PTPRZ1: variants seen among roughly 807,000 people sequenced by gnomAD.
PTPRZ1 encodes the protein protein tyrosine phosphatase receptor type Z1.
PTPRZ1 carries 82 observed loss-of-function variants against 214.1 expected under a neutral mutation model. That is an observed-to-expected ratio of 0.38 (90% confidence interval 0.32 to 0.46). The LOEUF (loss-of-function observed/expected upper bound fraction) is 0.46. PTPRZ1 is among the 20% of genes least tolerant of loss of function. The probability of loss-of-function intolerance (pLI) is 1.00; values close to 1 mark genes in which losing one functional copy is unlikely to be tolerated. For synonymous variants in PTPRZ1, 945 were observed against 987.9 expected (o/e 0.96, Z 0.81); for missense variants, 2,603 against 2,748.7 (o/e 0.95, Z 1.19).
At chr7:122,016,203 T>C (rs1341981701) in intron 12 of PTPRZ1, among the ~76,000 whole-genome samples, 1 of 151,996 alleles carries the variant, frequency 6.6e-6, no homozygotes, top group African/African-American at 2.4e-5. Context: ...CTCTTAAAGA[T>C]TATGCTTTCA....
Position 121,972,557 on chromosome 7 carries a change from T to C in PTPRZ1, c.321T>C (p.Thr107=), listed in dbSNP as rs1426971236. 2 of 1,606,560 alleles carry C rather than the reference T, an allele frequency of 1.2e-6. No homozygotes were observed. The highest frequency in any genetic ancestry group is 2.2e-5 in the East Asian group (1 of 44,702). ...NTGKTVEINL[T]NDYRVSGGVS... ...TTTTTTTAGTGGAAATTAATCTCAC[T>C]AATGACTACCGTGTCAGCGGAGGAG... The change falls in exon 4 of 30, where the codon ACT becomes ACC. Residue 107 remains threonine, a synonymous_variant. Transcript: ENST00000393386.
chr7:122,011,925 G>A lies in PTPRZ1; in HGVS notation c.2879G>A (p.Gly960Asp), dbSNP rs757800214. ...VHDSVGVTYQ[G>D]SLFSGPSHIP... ...GATTCTGTGGGTGTAACTTATCAGG[G>A]TTCCTTATTTAGCGGCCCTAGCCAT... Residue 960 changes from glycine to aspartate, a missense_variant, in exon 12 of 30, where the codon GGT becomes GAT. Gly to Asp is a moderately conservative substitution (Grantham distance 94). This residue lies in a region of PTPRZ1 where 1,913 missense variants were observed against 1,914.3 expected (regional missense o/e 1.00). Transcript: ENST00000393386. 3 of 1,614,170 alleles carry A rather than the reference G, an allele frequency of 1.9e-6. No individual in the cohort carries two copies. Among genetic ancestry groups the A allele is most frequent in the Admixed American group, 1.7e-5 (1 of 60,022 alleles).
rs1792458718 is a variant in PTPRZ1 at position 122,058,671 on chromosome 7, C to T, written c.6529-129C>T. ...TCCTTCTATGATGAAGAATGTGCTGCAACTACTGCTGCTCACTCATGCCTG... is the reference window on the plus strand; with the variant it reads ...TCCTTCTATGATGAAGAATGTGCTGTAACTACTGCTGCTCACTCATGCCTG... On this transcript the variant is annotated intron_variant, in intron 27 of 29. Coordinates refer to ENST00000393386, the MANE Select transcript of PTPRZ1 (RefSeq NM_002851.3). The T allele has an allele frequency of 1.2e-4, 78 of 644,604 alleles. 2 individuals are homozygous for T. In the South Asian group the frequency reaches 1.8e-3, roughly 15 times the overall value. 39.9% of individuals were successfully genotyped at this position (644,604 alleles called of 1,614,324 possible).
Position 121,873,510 on chromosome 7 carries a change from TA to T in PTPRZ1, c.14del (p.Lys5SerfsTer40). The stretch of plus-strand genomic sequence containing the variant: ...GCAGACCGTCTGGAAATGCGAATCC[TA>T]AAGCGTTTCCTCGCTTGCATTCAGC... Reference protein sequence around the residue: MRILKRFLACIQLL... With the variant: MRIXKRFLACIQLL... On this transcript the variant is annotated frameshift_variant, in exon 1 of 30. Transcript: ENST00000393386. LOFTEE classifies it high-confidence loss of function. 1 of 1,613,978 alleles carries T rather than the reference TA, an allele frequency of 6.2e-7. No individual in the cohort carries two copies. Among genetic ancestry groups the T allele is most frequent in the Non-Finnish European group, 8.5e-7 (1 of 1,180,016 alleles).
At chr7:121,896,308 T>C (rs1794781800) in intron 1 of PTPRZ1, among the ~76,000 whole-genome samples, 1 of 152,174 alleles carries the variant, frequency 6.6e-6, no homozygotes, top group Non-Finnish European at 1.5e-5. Context: ...ACTGAAACTC[T>C]ATATCCATTG....
chr7:122,032,842 G>C (rs1196680530), intron 15 of PTPRZ1, among the ~76,000 whole-genome samples: 1 of 152,034 alleles, frequency 6.6e-6, no homozygotes, highest in Non-Finnish European at 1.5e-5. Context: ...AAGTAGGGTG[G>C]AATAATATAA....
At chr7:122,047,033 G>A (rs879381060) in intron 23 of PTPRZ1, among the ~76,000 whole-genome samples, 1 of 152,178 alleles carries the variant, frequency 6.6e-6, no homozygotes, top group Non-Finnish European at 1.5e-5. Context: ...AGAAAATTCG[G>A]GACAGCGGAA....
intron 2 of PTPRZ1, among the ~76,000 whole-genome samples, chr7:121,951,196 T>C (rs1047980122): frequency 2.0e-5 from 3 of 152,224 alleles, no homozygotes; most frequent in Non-Finnish European, 4.4e-5. Context: ...TGATCTAGAA[T>C]CAACTTATTT....
intron 1 of PTPRZ1, among the ~76,000 whole-genome samples, chr7:121,903,966 T>TCACACACACACA (rs57176542): frequency 0.1 from 12,471 of 123,588 alleles, 647 homozygotes; most frequent in Admixed American, 0.18. Context: ...TCTTTAAATC[T>TCACACACACACA]CACACACACA....
chr7:121,896,667 G>A (rs1466782510), intron 1 of PTPRZ1, among the ~76,000 whole-genome samples: 2 of 152,052 alleles, frequency 1.3e-5, no homozygotes, highest in Non-Finnish European at 2.9e-5. Context: ...CAACTACTGG[G>A]GAGGCTGAGG....
At chr7:121,953,857 A>G (rs1426074869) in intron 2 of PTPRZ1, among the ~76,000 whole-genome samples, 1 of 152,076 alleles carries the variant, frequency 6.6e-6, no homozygotes, top group African/African-American at 2.4e-5. Flanking sequence ...CTAATGCATC[A>G]TTGTACAATG....
intron 8 of PTPRZ1, among the ~76,000 whole-genome samples, chr7:121,987,419 A>T (rs184374758): frequency 1.3e-5 from 2 of 152,216 alleles, no homozygotes; most frequent in Non-Finnish European, 2.9e-5. Context: ...TTTTGGGTGT[A>T]TACCCAGTAA....
intron 11 of PTPRZ1, among the ~76,000 whole-genome samples, chr7:122,009,836 C>T (rs942259847): frequency 1.3e-5 from 2 of 152,032 alleles, no homozygotes; most frequent in Admixed American, 6.6e-5. Context: ...TCTAAATCTT[C>T]CCCTTATTAT....
intron 27 of PTPRZ1, among the ~76,000 whole-genome samples, chr7:122,058,000 A>G (rs560499662): frequency 6.3e-4 from 95 of 150,834 alleles, no homozygotes; most frequent in African/African-American, 2.1e-3. Context: ...ACATATATAT[A>G]TGTGTGCTTG....
At chr7:122,055,225 T>A (rs189930270) in intron 27 of PTPRZ1, 138 bp downstream of exon 27, 2 of 625,486 alleles carry the variant, frequency 3.2e-6, no homozygotes, top group Admixed American at 7.8e-5. Context: ...ATAATCAAAT[T>A]ACCTTGTCAC....
intron 27 of PTPRZ1, among the ~76,000 whole-genome samples, chr7:122,057,042 G>A (rs1259918680): frequency 6.6e-6 from 1 of 151,806 alleles, no homozygotes; most frequent in Non-Finnish European, 1.5e-5. Flanking sequence ...TTACTTGTTT[G>A]TTGTGTTTTG....
chr7:122,000,697 A>G (rs1423479183), intron 10 of PTPRZ1, among the ~76,000 whole-genome samples: 2 of 83,256 alleles, frequency 2.4e-5, no homozygotes, highest in African/African-American at 4.6e-5. Flanking sequence ...ATATATATAT[A>G]TATATTTGAG....
intron 2 of PTPRZ1, among the ~76,000 whole-genome samples, chr7:121,956,023 T>C (rs1281915146): frequency 6.6e-6 from 1 of 152,010 alleles, no homozygotes; most frequent in African/African-American, 2.4e-5. Flanking sequence ...TCTTTCCCCA[T>C]ACCAGATTAG....
intron 2 of PTPRZ1, among the ~76,000 whole-genome samples, chr7:121,939,960 T>C (rs1796194903): frequency 6.6e-6 from 1 of 152,080 alleles, no homozygotes; most frequent in African/African-American, 2.4e-5. Context: ...TAAATCAACA[T>C]GGGTGAAAAA....
Sources: gnomAD v4.1 joint callset for allele counts (sites outside exome capture counted in the v4.1 genomes callset) on GRCh38, gnomAD v4.1.1 for gene constraint, gnomAD v4.1.1 regional missense constraint, MANE v1.5 for transcripts, NCBI Gene and HGNC (gene_info 2026-07-23, HGNC 2026-07-21) for gene names.